The following PGAP1 variants were observed in gnomAD, a reference collection of about 807,000 sequenced individuals.
PGAP1 encodes GPI inositol-deacylase.
In PGAP1, 76 loss-of-function variants were observed where a neutral mutation model predicts 127.0. The observed-to-expected ratio is 0.60, with a 90% CI of 0.50 to 0.72. The LOEUF is 0.72. Ranked by LOEUF, PGAP1 falls within the 30% of genes least tolerant of loss-of-function variation. The pLI, the probability that PGAP1 is intolerant of heterozygous loss-of-function variation, is 0.00. For synonymous variants in PGAP1, 362 were observed against 366.5 expected (o/e 0.99, Z 0.14); for missense variants, 982 against 1,071.3 (o/e 0.92, Z 1.16).
At chr2:196,920,573 TCTC>T in intron 1 of PGAP1, among the ~76,000 whole-genome samples, 1 of 152,256 alleles carries the variant, frequency 6.6e-6, no homozygotes, top group African/African-American at 2.4e-5. Flanking sequence ...TTGTAATGTC[TCTC>T]CTTTTACTCA....
At chr2:196,897,478 C>G (rs1702321166) in intron 6 of PGAP1, among the ~76,000 whole-genome samples, 1 of 152,150 alleles carries the variant, frequency 6.6e-6, no homozygotes. Flanking sequence ...TACTATCTAC[C>G]CCATCTTTAT....
intron 3 of PGAP1, among the ~76,000 whole-genome samples, chr2:196,913,452 T>G (rs759123148): frequency 1.8e-4 from 28 of 152,230 alleles, no homozygotes; most frequent in African/African-American, 2.4e-5. Context: ...GCCAAGACAA[T>G]TACAGTTGCG....
In PGAP1 at chr2:196,923,233, A is replaced by G. The variant is rs541434797; in HGVS notation, c.148-3083T>C. ...TTTTAGTTTTAACATAAATGATAATATATTATAAATACTGTTCATGCAATG... is the reference window on the plus strand; with the variant it reads ...TTTTAGTTTTAACATAAATGATAATGTATTATAAATACTGTTCATGCAATG... On this transcript the variant is annotated intron_variant, in intron 1 of 26. Coordinates refer to ENST00000354764, the MANE Select transcript of PGAP1 (RefSeq NM_024989.4). 9.8e-5 allele frequency among the ~76,000 whole-genome samples: 15 copies of G among 152,308 alleles called. No individual in the cohort carries two copies. The South Asian group carries it at 3.1e-3, about 32-fold the overall frequency.
At chr2:196,845,352 AT>A (rs60546102) in intron 23 of PGAP1, among the ~76,000 whole-genome samples, 6,760 of 144,706 alleles carry the variant, frequency 0.047, 351 homozygotes, top group African/African-American at 0.13. Flanking sequence ...TACCTCCTGG[AT>A]TTTTTTTTTT....
intron 10 of PGAP1, among the ~76,000 whole-genome samples, chr2:196,888,708 C>T (rs1259970626): frequency 6.6e-6 from 1 of 151,994 alleles, no homozygotes; most frequent in Non-Finnish European, 1.5e-5. Context: ...GATCCTGATT[C>T]AGATAAACTT....
rs1188449284 is a variant in PGAP1 at position 196,919,458 on chromosome 2, T to C, written c.301+539A>G. 3.3e-5 allele frequency among the ~76,000 whole-genome samples: 5 copies of C among 152,252 alleles called. No individual in the cohort carries two copies. The South Asian group carries it at 1.0e-3, about 31-fold the overall frequency. ...TAAAACGAAATTAATTCCAGGTTAT[T>C]TGGCTGTTACGCCAGAAATAACTGC... On this transcript the variant is annotated intron_variant, in intron 2 of 26. Coordinates refer to ENST00000354764, the MANE Select transcript of PGAP1 (RefSeq NM_024989.4).
intron 5 of PGAP1, among the ~76,000 whole-genome samples, chr2:196,902,188 C>G (rs1456671173): frequency 6.6e-6 from 1 of 152,064 alleles, no homozygotes; most frequent in East Asian, 1.9e-4. Flanking sequence ...CCAAATTAGC[C>G]TGGCTAATTT....
intron 3 of PGAP1, 61 bp downstream of exon 3, chr2:196,916,357 C>G: frequency 1.4e-6 from 2 of 1,390,208 alleles, no homozygotes; most frequent in South Asian, 1.7e-5. Flanking sequence ...TATACTGAAT[C>G]CCTTTTTTAA....
Position 196,885,450 on chromosome 2 carries a change from T to C in PGAP1, c.1246A>G (p.Lys416Glu), listed in dbSNP as rs969313447. ...TTAATTGTTGGCAGCAGTTCAGCTT[T>C]CCATGATAAATCAACCCCTTGCAGG... ...MCLQGVDLSW[K>E]AELLPTIKYL... Residue 416 changes from lysine (K) to glutamate (E), a missense_variant, in exon 12 of 27, where the codon AAA becomes GAA. Lys to Glu is a moderately conservative substitution (Grantham distance 56, BLOSUM62 1). Transcript: ENST00000354764. 1.9e-6 allele frequency: 3 copies of C among 1,604,092 alleles called. No individual in the cohort carries two copies. Among genetic ancestry groups the C allele is most frequent in the Non-Finnish European group, 1.7e-6 (2 of 1,174,818 alleles).
chr2:196,895,143 G>T (rs1020297711), intron 7 of PGAP1, among the ~76,000 whole-genome samples: 3 of 151,910 alleles, frequency 2.0e-5, no homozygotes, highest in Non-Finnish European at 4.4e-5. Context: ...CAGTATTTTT[G>T]ATTCTTAGTA....
At chr2:196,893,777 T>A (rs532103099) in intron 7 of PGAP1, among the ~76,000 whole-genome samples, 1 of 152,342 alleles carries the variant, frequency 6.6e-6, no homozygotes, top group Admixed American at 6.5e-5. Context: ...TCTATCCTTC[T>A]ACCTGTTTTT....
intron 26 of PGAP1, 56 bp from the exon 27 acceptor site, chr2:196,841,428 A>C: frequency 7.7e-7 from 1 of 1,302,322 alleles, no homozygotes; most frequent in South Asian, 1.3e-5. Flanking sequence ...GTGAGCCAAA[A>C]TTATATCAAT....
rs760315116 is a variant in PGAP1, at chr2:196,841,412, T to A, written c.2631-40A>T. On this transcript the variant is annotated intron_variant, in intron 26 of 26. Transcript: ENST00000354764. ...AGAAATATACATTACTTATGTGAAC[T>A]ACATTGTGAGCCAAAATTATATCAA... The A allele has an allele frequency of 6.6e-6, 10 of 1,517,324 alleles. No homozygotes were observed. In the African/African-American group the frequency reaches 1.3e-4, roughly 19 times the overall value. 94.0% of individuals were successfully genotyped at this position (1,517,324 alleles called of 1,614,324 possible).
At chr2:196,872,764 T>C in intron 17 of PGAP1, 196 bp downstream of exon 17, 1 of 566,568 alleles carries the variant, frequency 1.8e-6, no homozygotes, top group South Asian at 2.7e-5. Context: ...GGGTTCAGGT[T>C]CCAAGGAAGT....
intron 14 of PGAP1, among the ~76,000 whole-genome samples, chr2:196,875,263 CA>C (rs1196041583): frequency 6.6e-6 from 1 of 152,050 alleles, no homozygotes; most frequent in Non-Finnish European, 1.5e-5. Context: ...AGTATTGCAC[CA>C]ATGCTAATTT....
intron 20 of PGAP1, among the ~76,000 whole-genome samples, chr2:196,861,566 T>A (rs193201842): frequency 1.3e-5 from 2 of 152,306 alleles, no homozygotes; most frequent in East Asian, 3.9e-4. Context: ...TCAGATGTGG[T>A]GGCTCACGCC....
intron 10 of PGAP1, among the ~76,000 whole-genome samples, chr2:196,887,468 A>G (rs1292162155): frequency 6.6e-6 from 1 of 152,202 alleles, no homozygotes; most frequent in African/African-American, 2.4e-5. Context: ...TTAAGGAAGT[A>G]AGAGCAATGT....
chr2:196,871,905 C>G (rs1430096607), intron 18 of PGAP1, among the ~76,000 whole-genome samples: 3 of 152,106 alleles, frequency 2.0e-5, no homozygotes, highest in Non-Finnish European at 4.4e-5. Context: ...TTCATGAATC[C>G]ATAAGTAACT....
intron 5 of PGAP1, among the ~76,000 whole-genome samples, chr2:196,901,066 C>A (rs1702473067): frequency 6.6e-6 from 1 of 152,168 alleles, no homozygotes; most frequent in African/African-American, 2.4e-5. Flanking sequence ...GATGTGGTAT[C>A]AATACAGCAT....
Sources: allele counts gnomAD v4.1 joint callset (sites outside exome capture counted in the v4.1 genomes callset), GRCh38; gene constraint gnomAD v4.1.1; transcripts MANE v1.5; gene names NCBI Gene and HGNC (gene_info 2026-07-23, HGNC 2026-07-21).